The following PRKDC variants were observed in gnomAD, a reference collection of about 807,000 sequenced individuals.
The protein encoded by PRKDC is DNA-dependent protein kinase catalytic subunit.
PRKDC carries 82 observed loss-of-function variants against 486.9 expected under a neutral mutation model. The observed-to-expected ratio is 0.17, with a 90% CI of 0.14 to 0.20. The LOEUF (loss-of-function observed/expected upper bound fraction) is 0.20, where lower values mean the gene tolerates loss of function less well. PRKDC is among the 10% of genes least tolerant of loss of function. PRKDC has a pLI of 1.00. For synonymous variants in PRKDC, 1,895 were observed against 1,837.0 expected (o/e 1.03, Z -0.81); for missense variants, 4,504 against 5,038.2 (o/e 0.89, Z 3.21).
At chr8:47,956,001 G>T in intron 3 of PRKDC, 53 bp from the exon 4 acceptor site, 1 of 1,312,440 alleles carries the variant, frequency 7.6e-7, no homozygotes, top group South Asian at 1.3e-5. Flanking sequence ...TAAAAACTAA[G>T]ACTCAGCAAT....
At chr8:47,857,782 G>A (rs1216009137) in intron 48 of PRKDC, among the ~76,000 whole-genome samples, 2 of 152,144 alleles carry the variant, frequency 1.3e-5, no homozygotes, top group Admixed American at 1.3e-4. Context: ...GCCTGTCAGG[G>A]ATGTCCTGAC....
chr8:47,865,630 T>C (rs747722351), intron 40 of PRKDC, among the ~76,000 whole-genome samples: 65 of 152,200 alleles, frequency 4.3e-4, no homozygotes, highest in Admixed American at 8.5e-4. Context: ...ATTAAAATTC[T>C]GATGCTATGA....
chr8:47,939,907 T>C, intron 10 of PRKDC: 1 of 328,534 alleles, frequency 3.0e-6, no homozygotes, highest in East Asian at 4.7e-5. Flanking sequence ...TGATACATTT[T>C]TCCTAGAGAA....
At chr8:47,820,331 C>T (rs72647904) in intron 66 of PRKDC, among the ~76,000 whole-genome samples, 21 of 152,072 alleles carry the variant, frequency 1.4e-4, no homozygotes, top group African/African-American at 2.4e-4. Context: ...AACCAGATTG[C>T]GCCATTGCAC....
At position 47,785,201 on chromosome 8, in the gene PRKDC, G is replaced by C. The variant is rs2086771533; in HGVS notation, c.11019C>G (p.Asp3673Glu). 6.2e-7 allele frequency: 1 copy of C among 1,613,940 alleles called. No homozygotes were observed. The highest frequency in any genetic ancestry group is 8.5e-7 in the Non-Finnish European group (1 of 1,179,878). ...TNMLLLKMNK[D>E]SKPPGNLKEC... ...CTTTCAGATTCCCAGGGGGCTTTGA[G>C]TCTTTGTTCATTTTTAAAAGTAGCA... Residue 3673 changes from aspartate (D) to glutamate (E), a missense_variant, in exon 77 of 86, where the codon GAC (aspartate) becomes GAG (glutamate). Transcript: ENST00000314191.
At chr8:47,797,264 G>A (rs2087002444) in intron 73 of PRKDC, among the ~76,000 whole-genome samples, 1 of 152,092 alleles carries the variant, frequency 6.6e-6, no homozygotes, top group South Asian at 2.1e-4. Context: ...AAATTCAAAT[G>A]CTGTTTTTAT....
chr8:47,916,872 G>T (rs148716256), intron 22 of PRKDC, among the ~76,000 whole-genome samples: 1 of 152,132 alleles, frequency 6.6e-6, no homozygotes, highest in Non-Finnish European at 1.5e-5. Flanking sequence ...GCAAATTAAC[G>T]GAGTAAAAAT....
Position 47,859,722 on chromosome 8 carries a change from T to C in PRKDC, c.6096A>G (p.Ala2032=). 1 of 1,613,558 alleles carries C rather than the reference T, an allele frequency of 6.2e-7. No homozygotes were observed. The highest frequency in any genetic ancestry group is 8.5e-7 in the Non-Finnish European group (1 of 1,179,508). ...PSYMSSLSYL[A]DSTLSEEMSQ... is the part of the protein sequence containing the mutation. Reference sequence around the variant, plus strand: ...TCATTTCCTCACTCAGGGTACTGTCTGCCAAATATGACAGGGAAGACATAT... The same window carrying C: ...TCATTTCCTCACTCAGGGTACTGTCCGCCAAATATGACAGGGAAGACATAT... Residue 2032 remains alanine (A), a synonymous_variant, in exon 46 of 86, where the codon GCA becomes GCG. Coordinates refer to ENST00000314191, the MANE Select transcript of PRKDC (RefSeq NM_006904.7).
At chr8:47,867,986 GACTAA>G (rs2088856568) in intron 40 of PRKDC, among the ~76,000 whole-genome samples, 1 of 152,106 alleles carries the variant, frequency 6.6e-6, no homozygotes, top group African/African-American at 2.4e-5. Context: ...TGGTATCTAA[GACTAA>G]CTGATTCCCA....
At chr8:47,805,378 C>A (rs1024152207) in intron 69 of PRKDC, among the ~76,000 whole-genome samples, 1 of 152,156 alleles carries the variant, frequency 6.6e-6, no homozygotes, top group African/African-American at 2.4e-5. Context: ...TCCCTCAAGC[C>A]TAGGGATACT....
At chr8:47,836,655 T>G in intron 57 of PRKDC, 128 bp from the exon 58 acceptor site, 1 of 861,510 alleles carries the variant, frequency 1.2e-6, no homozygotes, top group Non-Finnish European at 1.7e-6. Context: ...TAACTTCATA[T>G]GCAGCTGAAG....
chr8:47,939,794 T>G, intron 10 of PRKDC, 97 bp from the exon 11 acceptor site: 1 of 1,081,212 alleles, frequency 9.2e-7, no homozygotes, highest in Non-Finnish European at 1.3e-6. Flanking sequence ...GCTACTAATG[T>G]ACTGTTATAG....
chr8:47,848,425 T>C (rs2088322382), intron 54 of PRKDC, among the ~76,000 whole-genome samples: 1 of 152,050 alleles, frequency 6.6e-6, no homozygotes, highest in African/African-American at 2.4e-5. Flanking sequence ...ATGTGGGAGC[T>C]AAACACTGAG....
chr8:47,959,878 C>G (rs2090782669), intron 1 of PRKDC, 95 bp downstream of exon 1: 2 of 1,475,416 alleles, frequency 1.4e-6, no homozygotes, highest in Non-Finnish European at 1.8e-6. Flanking sequence ...TTCAAAATAC[C>G]GTCATCTAAA....
rs746446344 is a variant in PRKDC, at chr8:47,777,729, T to C, written c.11999A>G (p.Asn4000Ser). The C allele has an allele frequency of 6.2e-6, 10 of 1,611,288 alleles. No individual in the cohort carries two copies. Among genetic ancestry groups the C allele is most frequent in the Non-Finnish European group, 7.6e-6 (9 of 1,177,894 alleles). ...AFRSDPGLLT[N>S]TMDVFVKEPS... Reference sequence around the variant, plus strand: ...CTCCTTGACAAACACATCCATGGTGTTGGTGAGCAGGCCAGGGTCTGAGCG... The same window carrying C: ...CTCCTTGACAAACACATCCATGGTGCTGGTGAGCAGGCCAGGGTCTGAGCG... Residue 4000 changes from asparagine to serine, a missense_variant, in exon 84 of 86, where the codon AAC becomes AGC. Physicochemically the swap from Asn to Ser is conservative, Grantham distance 46. Around this residue, in one of 6 missense-constraint regions of PRKDC, gnomAD observed 706 missense variants for 945.0 expected, o/e 0.75. Transcript: ENST00000314191.
Position 47,860,956 on chromosome 8 carries a change from T to G in PRKDC, c.6001A>C (p.Lys2001Gln), listed in dbSNP as rs751494390. The G allele has an allele frequency of 3.7e-5, 59 of 1,603,468 alleles. No individual in the cohort carries two copies. The highest frequency in any genetic ancestry group is 4.8e-5 in the Non-Finnish European group (56 of 1,174,006). Residue 2001 changes from lysine (K) to glutamine (Q), a missense_variant, in exon 45 of 86, where the codon AAG becomes CAG. Transcript: ENST00000314191. ...PVEVEVPMER[K>Q]KKYIEIRKEA... ...TTCCTAATTTCAATGTACTTTTTCTTTCTTTCCATAGGAACCTATTGGGAA... is the reference window on the plus strand; with the variant it reads ...TTCCTAATTTCAATGTACTTTTTCTGTCTTTCCATAGGAACCTATTGGGAA...
intron 71 of PRKDC, 34 bp from the exon 72 acceptor site, chr8:47,799,424 G>T: frequency 1.4e-6 from 2 of 1,441,378 alleles, no homozygotes; most frequent in South Asian, 3.3e-5. Flanking sequence ...CCATGAGCAT[G>T]ACTGAAGCTT....
intron 36 of PRKDC, among the ~76,000 whole-genome samples, chr8:47,883,870 T>C (rs186193243): frequency 1.8e-4 from 28 of 152,344 alleles, no homozygotes; most frequent in African/African-American, 6.5e-4. Context: ...CCTGAGCCCC[T>C]GGGCTGCCGG....
intron 52 of PRKDC, 52 bp downstream of exon 52, chr8:47,852,621 C>T: frequency 8.6e-7 from 1 of 1,165,034 alleles, no homozygotes; most frequent in South Asian, 1.5e-5. Context: ...AGGGTCATAA[C>T]AAATCAAAAC....
Sources: allele counts gnomAD v4.1 joint callset (sites outside exome capture counted in the v4.1 genomes callset), GRCh38; gene constraint gnomAD v4.1.1; regional missense constraint gnomAD v4.1.1; transcripts MANE v1.5; gene names NCBI Gene and HGNC (gene_info 2026-07-23, HGNC 2026-07-21).